Variants in OR52N2 observed in about 807,000 individuals in gnomAD.
OR52N2 encodes olfactory receptor 52N2.
For missense variants in OR52N2, 326 were observed against 196.6 expected (o/e 1.66, Z -3.94); for synonymous variants, 129 against 72.0 (o/e 1.79, Z -4.01).
At chr11:5,817,076 TAAACA>T (rs1846410543) in intron 1 of OR52N2, among the ~76,000 whole-genome samples, 2 of 152,306 alleles carry the variant, frequency 1.3e-5, no homozygotes, top group South Asian at 4.1e-4. Context: ...TGCTGAAAGC[TAAACA>T]AAACAACAAA....
rs1846454533 is a variant in OR52N2, at chr11:5,821,461, A to G, written c.*160A>G. On this transcript the variant is annotated 3_prime_UTR_variant, in exon 2 of 2. Coordinates refer to ENST00000317037, the MANE Select transcript of OR52N2 (RefSeq NM_001005174.3). ...ATAAAAATAGAAATAAAAAATCAAA[A>G]TAAAGACATAAATTTGTAAGTCACC... 4 of 569,878 alleles carry G rather than the reference A, an allele frequency of 7.0e-6. No individual in the cohort carries two copies. The highest frequency in any genetic ancestry group is 3.8e-5 in the African/African-American group (2 of 53,242). 35.3% of individuals were successfully genotyped at this position (569,878 alleles called of 1,614,324 possible).
At chr11:5,819,202 T>C (rs1026818509) in intron 1 of OR52N2, among the ~76,000 whole-genome samples, 3 of 144,480 alleles carry the variant, frequency 2.1e-5, no homozygotes, top group Non-Finnish European at 3.1e-5. Context: ...ATTAGGGTTT[T>C]ATTCCGAATA....
chr11:5,819,769 T>C (rs1278981891), intron 1 of OR52N2, among the ~76,000 whole-genome samples: 1 of 152,204 alleles, frequency 6.6e-6, no homozygotes, highest in Non-Finnish European at 1.5e-5. Context: ...ACATCTTATA[T>C]ATAGAATACA....
At chr11:5,820,096 T>C (rs529625709) in intron 1 of OR52N2, among the ~76,000 whole-genome samples, 186 bp from the exon 2 acceptor site, 5 of 152,314 alleles carry the variant, frequency 3.3e-5, no homozygotes, top group Admixed American at 6.5e-5. Context: ...CAATGGCACA[T>C]TGAGTAGTGG....
At chr11:5,814,842 CAA>C (rs1451866689) in intron 1 of OR52N2, among the ~76,000 whole-genome samples, 1 of 152,114 alleles carries the variant, frequency 6.6e-6, no homozygotes, top group Non-Finnish European at 1.5e-5. Context: ...GACAGTAAAC[CAA>C]AACAGTGTGG....
At chr11:5,809,310 C>CTCCCCCATGGGCTGGGG (rs1244964378) in intron 1 of OR52N2, among the ~76,000 whole-genome samples, 4 of 152,122 alleles carry the variant, frequency 2.6e-5, no homozygotes, top group Non-Finnish European at 4.4e-5. Context: ...TTCTGTGTCA[C>CTCCCCCATGGGCTGGGG]TCCCCCATGG....
At position 5,810,693 on chromosome 11, in the gene OR52N2, G is replaced by A. The variant is rs555156139; in HGVS notation, c.-55+1639G>A. ...GGCATGGAGGTTTTGAGGAATGAATGTGCCACACATGAAGGGACTGAAAAC... is the reference window on the plus strand; with the variant it reads ...GGCATGGAGGTTTTGAGGAATGAATATGCCACACATGAAGGGACTGAAAAC... On this transcript the variant is annotated intron_variant, in intron 1 of 1. Transcript: ENST00000317037. Among the ~76,000 whole-genome samples the A allele has an allele frequency of 1.4e-3, 212 of 152,250 alleles. 2 individuals carry two copies. The highest frequency in any genetic ancestry group is 3.3e-3 in the South Asian group (16 of 4,818).
rs374317761 is a variant in OR52N2 at position 5,814,996 on chromosome 11, G to A, written c.-54-5286G>A. On this transcript the variant is annotated intron_variant, in intron 1 of 1. Coordinates refer to ENST00000317037, the MANE Select transcript of OR52N2 (RefSeq NM_001005174.3). ...AAGGACATTCTTTACAATAAATAGT[G>A]CTGAGAAAACTGGGTATCTACATGT... Among the ~76,000 whole-genome samples the A allele has an allele frequency of 4.6e-5, 7 of 152,232 alleles. 1 individual carries two copies. The highest frequency in any genetic ancestry group is 1.7e-4 in the African/African-American group (7 of 41,554).
chr11:5,818,943 T>C (rs1846425286), intron 1 of OR52N2, among the ~76,000 whole-genome samples: 1 of 152,190 alleles, frequency 6.6e-6, no homozygotes, highest in Non-Finnish European at 1.5e-5. Flanking sequence ...TATTCAGAGA[T>C]CACGAGCTTC....
At chr11:5,812,542 G>C (rs907410865) in intron 1 of OR52N2, among the ~76,000 whole-genome samples, 2 of 147,892 alleles carry the variant, frequency 1.4e-5, no homozygotes, top group African/African-American at 5.0e-5. Flanking sequence ...ATTTAAAATA[G>C]TGTAAAGGTA....
chr11:5,821,003 T>C lies in OR52N2; in HGVS notation c.668T>C (p.Ile223Thr), dbSNP rs372756018. Reference protein sequence around the residue: ...ICCISVSYTMILQAVMSLSSA... With the variant: ...ICCISVSYTMTLQAVMSLSSA... ...TGTATCTCTGTATCTTACACTATGA[T>C]TTTGCAGGCTGTTATGAGCCTGTCA... The change falls in exon 2 of 2, where the codon ATT (isoleucine) becomes ACT (threonine). Residue 223 changes from isoleucine to threonine, a missense_variant. Physicochemically the swap from Ile to Thr is moderately conservative, Grantham distance 89. Transcript: ENST00000317037. 1.3e-6 allele frequency: 1 copy of C among 780,952 alleles called. No homozygotes were observed. The highest frequency in any genetic ancestry group is 2.4e-6 in the Non-Finnish European group (1 of 418,120). The allele number at this position is 780,952 out of a possible 1,614,324, so 48.4% of individuals were successfully genotyped here.
At chr11:5,820,064 G>T (rs1846433787) in intron 1 of OR52N2, among the ~76,000 whole-genome samples, 1 of 152,186 alleles carries the variant, frequency 6.6e-6, no homozygotes, top group African/African-American at 2.4e-5. Context: ...TGTGGTAAGT[G>T]AGGATAGTTA....
chr11:5,809,710 T>A (rs10769246), intron 1 of OR52N2, among the ~76,000 whole-genome samples: 139,426 of 152,104 alleles, frequency 0.92, 64,273 homozygotes, highest in Middle Eastern at 0.98. Context: ...TGAAAAATGA[T>A]TACCATTGCC....
intron 1 of OR52N2, among the ~76,000 whole-genome samples, chr11:5,814,042 C>T (rs1846383316): frequency 6.6e-6 from 1 of 152,152 alleles, no homozygotes; most frequent in South Asian, 2.1e-4. Context: ...CAGAAGCCCA[C>T]AGCTAACATC....
intron 1 of OR52N2, among the ~76,000 whole-genome samples, chr11:5,810,590 G>A (rs1259408046): frequency 1.3e-5 from 2 of 152,246 alleles, no homozygotes; most frequent in East Asian, 3.9e-4. Context: ...TGCTCAAGGT[G>A]GTACAGAAGA....
rs569906152 is a variant in OR52N2 at position 5,816,124 on chromosome 11, A to T, written c.-54-4158A>T. On this transcript the variant is annotated intron_variant, in intron 1 of 1. Transcript: ENST00000317037. ...TTTATATAAAGTACCTAGAAAGGTC[A>T]AAATCATTAGACAGCAGAAAGAATA... Among the ~76,000 whole-genome samples the T allele has an allele frequency of 1.5e-4, 23 of 152,310 alleles. No homozygotes were observed. In the South Asian group the frequency reaches 1.7e-3, roughly 11 times the overall value.
At chr11:5,820,157 T>C (rs1846434497) in intron 1 of OR52N2, among the ~76,000 whole-genome samples, 125 bp from the exon 2 acceptor site, 1 of 152,186 alleles carries the variant, frequency 6.6e-6, no homozygotes, top group Non-Finnish European at 1.5e-5. Flanking sequence ...AAGTCTTTCT[T>C]GCTATAGTTG....
At chr11:5,813,840 T>C (rs1164138273) in intron 1 of OR52N2, among the ~76,000 whole-genome samples, 1 of 152,186 alleles carries the variant, frequency 6.6e-6, no homozygotes, top group Non-Finnish European at 1.5e-5. Context: ...TTGGGCTTTA[T>C]CACCGGAATA....
rs112125234 is a variant in OR52N2, at chr11:5,820,458, C to T, written c.123C>T (p.Val41=). 2 of 780,084 alleles carry T rather than the reference C, an allele frequency of 2.6e-6. No homozygotes were observed. Among genetic ancestry groups the T allele is most frequent in the South Asian group, 2.7e-5 (2 of 74,448 alleles). The allele number at this position is 780,084 out of a possible 1,614,324, so 48.3% of individuals were successfully genotyped here. Residue 41 remains valine (V), a synonymous_variant, in exon 2 of 2, where the codon GTC becomes GTT. Transcript: ENST00000317037. ...LPFCFMYIIA[V]VGNCGLICLI... is the part of the protein sequence containing the mutation. ...TCTGCTTTATGTACATCATTGCTGT[C>T]GTGGGGAACTGTGGGCTCATCTGCC...
Sources: allele counts gnomAD v4.1 joint callset (sites outside exome capture counted in the v4.1 genomes callset), GRCh38; gene constraint gnomAD v4.1.1; transcripts MANE v1.5; gene names NCBI Gene and HGNC (gene_info 2026-07-23, HGNC 2026-07-21).